The following IRGM variants were observed in gnomAD, a reference collection of about 807,000 sequenced individuals.
IRGM encodes the protein immunity related GTPase M, also known as immunity-related GTPase family M protein.
For synonymous variants in IRGM, 98 were observed against 80.6 expected, an observed-to-expected ratio of 1.22 and a Z score of -1.16; for missense variants, 288 against 219.9, an observed-to-expected ratio of 1.31 and a Z score of -1.96.
chr5:150,875,387 T>C (rs1394737777), intron 1 of IRGM, among the ~76,000 whole-genome samples: 1 of 152,212 alleles, frequency 6.6e-6, no homozygotes, highest in Non-Finnish European at 1.5e-5. Context: ...CGTGAAATTA[T>C]ATACTGTAGC....
At chr5:150,849,599 TTC>T (rs201994601), downstream of IRGM, among the ~76,000 whole-genome samples, 10 of 125,422 alleles carry the variant, frequency 8.0e-5, no homozygotes, top group East Asian at 1.3e-3. Context: ...ATTTTTCTTT[TTC>T]TCTCTTTTTT....
intron 3 of IRGM, among the ~76,000 whole-genome samples, chr5:150,886,641 T>A (rs1754527038): frequency 2.0e-5 from 3 of 152,106 alleles, no homozygotes; most frequent in African/African-American, 4.8e-5. Context: ...CATGTATACG[T>A]CTAGGAATTT....
downstream of IRGM, among the ~76,000 whole-genome samples, chr5:150,853,230 T>C (rs1383734460): frequency 2.0e-5 from 3 of 152,204 alleles, no homozygotes; most frequent in Non-Finnish European, 4.4e-5. Flanking sequence ...TCCACATATT[T>C]GTGAATTTTC....
At chr5:150,888,011 A>T (rs1447357976) in intron 3 of IRGM, among the ~76,000 whole-genome samples, 1 of 152,032 alleles carries the variant, frequency 6.6e-6, no homozygotes, top group Non-Finnish European at 1.5e-5. Flanking sequence ...GGCCCGCTGG[A>T]TAAAAAAGCA....
chr5:150,858,359 C>A (rs1355883838), intron 1 of IRGM, among the ~76,000 whole-genome samples: 1 of 152,006 alleles, frequency 6.6e-6, no homozygotes, highest in Non-Finnish European at 1.5e-5. Context: ...TCAGGTAGTG[C>A]GATGCCTCCA....
chr5:150,859,039 TTCAG>T (rs1754098180), intron 1 of IRGM, among the ~76,000 whole-genome samples: 1 of 152,220 alleles, frequency 6.6e-6, no homozygotes, highest in African/African-American at 2.4e-5. Context: ...TTTTTGCCCA[TTCAG>T]TATGATATTG....
In IRGM at chr5:150,846,989, T is replaced by G. The variant is rs928880171; in HGVS notation, c.-647T>G. On this transcript the variant is annotated 5_prime_UTR_variant, in exon 1 of 2. Coordinates refer to ENST00000522154, the MANE Select transcript of IRGM (RefSeq NM_001145805.2). Reference sequence around the variant, plus strand: ...AATCAGTCTCAAATACCTGGCCCCTTGTGGAACCTGCAAGAGCCAGGTTTG... The same window carrying G: ...AATCAGTCTCAAATACCTGGCCCCTGGTGGAACCTGCAAGAGCCAGGTTTG... 3.9e-5 allele frequency: 6 copies of G among 152,320 alleles called. No homozygotes were observed. Among genetic ancestry groups the G allele is most frequent in the Non-Finnish European group, 7.3e-5 (5 of 68,036 alleles). 9.4% of individuals were successfully genotyped at this position (152,320 alleles called of 1,614,324 possible). A position where few individuals can be genotyped will look rare whatever the true frequency, so the allele number is the denominator to read the frequency against.
rs141391006 is a variant in IRGM at position 150,885,966 on chromosome 5, G to A, written c.*140+6320G>A. Among the ~76,000 whole-genome samples the A allele has an allele frequency of 5.7e-4, 87 of 152,216 alleles. No homozygotes were observed. In the East Asian group the frequency reaches 0.01, roughly 18 times the overall value. ...TATTATGTTGAAGAGTGGTGAGAGAGGGTATCCTGTCTTGTGCCAGTTTTC... is the reference window on the plus strand; with the variant it reads ...TATTATGTTGAAGAGTGGTGAGAGAAGGTATCCTGTCTTGTGCCAGTTTTC... On this transcript the variant is annotated intron_variant and NMD_transcript_variant, in intron 3 of 3. Coordinates refer to the IRGM transcript ENST00000520549.
intron 3 of IRGM, among the ~76,000 whole-genome samples, chr5:150,882,825 C>A (rs1467004900): frequency 6.6e-6 from 1 of 152,092 alleles, no homozygotes; most frequent in Non-Finnish European, 1.5e-5. Context: ...GACAGAAAAT[C>A]AATAAGGAAA....
intron 3 of IRGM, among the ~76,000 whole-genome samples, chr5:150,885,928 CT>C (rs1182556949): frequency 2.0e-5 from 3 of 152,072 alleles, no homozygotes; most frequent in Admixed American, 1.3e-4. Context: ...ATTGCTCTGG[CT>C]AGGGCTTCCA....
At chr5:150,882,864 A>T (rs1434654687) in intron 3 of IRGM, among the ~76,000 whole-genome samples, 1 of 152,164 alleles carries the variant, frequency 6.6e-6, no homozygotes, top group Non-Finnish European at 1.5e-5. Context: ...CTTTAGACCA[A>T]AGGGACCTAA....
At chr5:150,858,413 T>C (rs1280559766) in intron 1 of IRGM, among the ~76,000 whole-genome samples, 1 of 152,162 alleles carries the variant, frequency 6.6e-6, no homozygotes, top group Non-Finnish European at 1.5e-5. Flanking sequence ...ATGTGGGCTC[T>C]TTTTTGGTTC....
At chr5:150,857,916 G>A (rs1233231271) in intron 1 of IRGM, among the ~76,000 whole-genome samples, 2 of 151,012 alleles carry the variant, frequency 1.3e-5, no homozygotes, top group East Asian at 3.9e-4. Flanking sequence ...CTGTGCAGAA[G>A]CTCTTTAGTT....
chr5:150,861,993 T>C (rs2113265656), intron 1 of IRGM, among the ~76,000 whole-genome samples: 2 of 152,326 alleles, frequency 1.3e-5, no homozygotes, highest in African/African-American at 4.8e-5. Context: ...CCAGGTACAA[T>C]TGGGCTGAGT....
chr5:150,867,785 A>T (rs1754228314), intron 1 of IRGM, among the ~76,000 whole-genome samples: 1 of 150,304 alleles, frequency 6.7e-6, no homozygotes, highest in African/African-American at 2.4e-5. Context: ...TTCTTTTGAG[A>T]ATTGTCTGTT....
downstream of IRGM, among the ~76,000 whole-genome samples, chr5:150,901,734 A>T (rs1359744943): frequency 6.6e-6 from 1 of 152,046 alleles, no homozygotes; most frequent in Non-Finnish European, 1.5e-5. Context: ...TTCTCACAAC[A>T]ACCCTATGGG....
chr5:150,863,831 T>C (rs943429371), intron 1 of IRGM, among the ~76,000 whole-genome samples: 1 of 152,204 alleles, frequency 6.6e-6, no homozygotes, highest in South Asian at 2.1e-4. Flanking sequence ...GTTCTTGACA[T>C]GTAATCAGTA....
chr5:150,851,948 A>G (rs1179767149), downstream of IRGM, among the ~76,000 whole-genome samples: 1 of 152,202 alleles, frequency 6.6e-6, no homozygotes, highest in South Asian at 2.1e-4. Context: ...CCTAGGGCTA[A>G]CATGTATGGC....
intron 3 of IRGM, among the ~76,000 whole-genome samples, chr5:150,894,188 G>A (rs1224402945): frequency 1.3e-5 from 2 of 152,050 alleles, no homozygotes; most frequent in Admixed American, 1.3e-4. Flanking sequence ...TCTCCTGCAG[G>A]TCACTTCCAG....
Sources: gnomAD v4.1 joint callset for allele counts (sites outside exome capture counted in the v4.1 genomes callset) on GRCh38, gnomAD v4.1.1 for gene constraint, MANE v1.5 for transcripts, NCBI Gene and HGNC (gene_info 2026-07-23, HGNC 2026-07-21) for gene names.